The following ZNF407 variants were observed in gnomAD, a reference collection of about 807,000 sequenced individuals.
ZNF407 encodes zinc finger protein 407.
A neutral mutation model predicts 131.2 loss-of-function variants in ZNF407; 17 were observed. The ratio of observed to expected loss-of-function variants is 0.13; its 90% CI spans 0.09 to 0.19. The LOEUF (loss-of-function observed/expected upper bound fraction) is 0.19, where lower values mean the gene tolerates loss of function less well. Ranked by LOEUF, ZNF407 falls within the 10% of genes least tolerant of loss-of-function variation. ZNF407 has a pLI of 1.00. For missense variants in ZNF407, 2,681 were observed against 2,830.6 expected, an observed-to-expected ratio of 0.95 and a Z score of 1.20; for synonymous variants, 1,156 against 1,062.0, an observed-to-expected ratio of 1.09 and a Z score of -1.72.
chr18:74,850,733 C>T (rs923703273), intron 4 of ZNF407, among the ~76,000 whole-genome samples: 3 of 152,204 alleles, frequency 2.0e-5, no homozygotes, highest in African/African-American at 7.2e-5. Flanking sequence ...TGGTACTCCA[C>T]ACCCATGTAG....
At chr18:74,968,617 G>A (rs539330302) in intron 8 of ZNF407, among the ~76,000 whole-genome samples, 1 of 152,280 alleles carries the variant, frequency 6.6e-6, no homozygotes, top group Non-Finnish European at 1.5e-5. Flanking sequence ...TCTTTCGTCT[G>A]ATCTTCATAT....
chr18:74,668,235 G>A (rs1986006542), intron 3 of ZNF407, among the ~76,000 whole-genome samples: 2 of 152,186 alleles, frequency 1.3e-5, no homozygotes. Flanking sequence ...CATAATGTGT[G>A]AAGTTGGCTT....
intron 4 of ZNF407, among the ~76,000 whole-genome samples, chr18:74,830,775 A>G (rs1334992632): frequency 6.6e-6 from 1 of 152,188 alleles, no homozygotes; most frequent in Non-Finnish European, 1.5e-5. Flanking sequence ...GGGGACATTC[A>G]GTGTCTTCCT....
chr18:74,700,484 C>T (rs1293457564), intron 3 of ZNF407, among the ~76,000 whole-genome samples: 2 of 152,186 alleles, frequency 1.3e-5, no homozygotes, highest in African/African-American at 4.8e-5. Flanking sequence ...GCACTTTCCT[C>T]CATCAAGGGC....
chr18:75,030,587 G>C (rs1973227776), intron 8 of ZNF407, among the ~76,000 whole-genome samples: 1 of 152,220 alleles, frequency 6.6e-6, no homozygotes, highest in South Asian at 2.1e-4. Flanking sequence ...ACTGTGTGCT[G>C]TTGGCCAGGT....
intron 3 of ZNF407, among the ~76,000 whole-genome samples, chr18:74,766,357 C>T (rs893564995): frequency 1.3e-5 from 2 of 152,152 alleles, no homozygotes; most frequent in South Asian, 2.1e-4. Context: ...CTTAAACTTA[C>T]CCATGAGGTT....
chr18:74,727,651 G>A (rs1414996834), intron 3 of ZNF407, among the ~76,000 whole-genome samples: 1 of 152,156 alleles, frequency 6.6e-6, no homozygotes, highest in African/African-American at 2.4e-5. Context: ...TTGTGAATAA[G>A]GGATTATGAA....
chr18:74,792,247 G>A (rs939422357), intron 4 of ZNF407, among the ~76,000 whole-genome samples: 2 of 151,740 alleles, frequency 1.3e-5, no homozygotes, highest in African/African-American at 2.4e-5. Flanking sequence ...TCTTTGCTTC[G>A]TTTTTTCATG....
chr18:74,725,843 G>A (rs1014945734), intron 3 of ZNF407, among the ~76,000 whole-genome samples: 9 of 152,144 alleles, frequency 5.9e-5, no homozygotes, highest in Admixed American at 3.9e-4. Context: ...GTTAAAACAC[G>A]ATAGTCACAC....
At chr18:74,704,620 C>T (rs1599083682) in intron 3 of ZNF407, among the ~76,000 whole-genome samples, 1 of 152,168 alleles carries the variant, frequency 6.6e-6, no homozygotes, top group Non-Finnish European at 1.5e-5. Context: ...CAATTTAATA[C>T]TAAAACAATG....
At chr18:74,978,532 G>A (rs1972553227) in intron 8 of ZNF407, among the ~76,000 whole-genome samples, 6 of 152,026 alleles carry the variant, frequency 3.9e-5, no homozygotes. Context: ...ACAAGAGGCA[G>A]CACACTGTGT....
At chr18:74,697,042 T>G (rs879842690) in intron 3 of ZNF407, among the ~76,000 whole-genome samples, 5 of 152,222 alleles carry the variant, frequency 3.3e-5, no homozygotes, top group Non-Finnish European at 5.9e-5. Context: ...CATAACACTG[T>G]TGATTGCTGC....
At chr18:74,767,852 G>C (rs71359056) in intron 3 of ZNF407, among the ~76,000 whole-genome samples, 2 of 124,882 alleles carry the variant, frequency 1.6e-5, no homozygotes, top group Admixed American at 1.8e-4. Context: ...ATTTTTAGTA[G>C]AGACGGGGTT....
At chr18:74,739,174 A>T (rs1405457996) in intron 3 of ZNF407, among the ~76,000 whole-genome samples, 1 of 151,404 alleles carries the variant, frequency 6.6e-6, no homozygotes, top group Non-Finnish European at 1.5e-5. Context: ...TATAAGAATT[A>T]TTACAAAATT....
At chr18:74,939,435 T>G (rs887233537) in intron 8 of ZNF407, among the ~76,000 whole-genome samples, 2 of 152,202 alleles carry the variant, frequency 1.3e-5, no homozygotes, top group Non-Finnish European at 2.9e-5. Flanking sequence ...ATGTAAAAAT[T>G]TATAACATGT....
intron 8 of ZNF407, among the ~76,000 whole-genome samples, chr18:75,057,146 A>C (rs1973571166): frequency 6.6e-6 from 1 of 152,226 alleles, no homozygotes; most frequent in African/African-American, 2.4e-5. Flanking sequence ...AAAATATAAA[A>C]TCTAAAGTAC....
At chr18:74,620,674 A>C (rs916604534) in intron 1 of ZNF407, among the ~76,000 whole-genome samples, 8 of 152,084 alleles carry the variant, frequency 5.3e-5, no homozygotes, top group Non-Finnish European at 1.5e-5. Flanking sequence ...GCCTGGAGAA[A>C]GTTCTTTGTA....
At chr18:74,628,904 G>A (rs1335200550) in intron 1 of ZNF407, among the ~76,000 whole-genome samples, 1 of 152,104 alleles carries the variant, frequency 6.6e-6, no homozygotes. Context: ...TTTTATGACT[G>A]AATACTATTT....
chr18:74,623,036 G>A (rs888108536), intron 1 of ZNF407, among the ~76,000 whole-genome samples: 272 of 75,250 alleles, frequency 3.6e-3, no homozygotes, highest in East Asian at 0.011. Flanking sequence ...GTGAGTGCAT[G>A]TGTGTGTGAA....
Sources: allele counts gnomAD v4.1 joint callset (sites outside exome capture counted in the v4.1 genomes callset), GRCh38; gene constraint gnomAD v4.1.1; transcripts MANE v1.5; gene names NCBI Gene and HGNC (gene_info 2026-07-23, HGNC 2026-07-21).